LRP1B: variants seen among roughly 807,000 people sequenced by gnomAD.
LRP1B encodes low-density lipoprotein receptor-related protein 1B.
A neutral mutation model predicts 556.6 loss-of-function variants in LRP1B; 217 were observed. The ratio of observed to expected loss-of-function variants is 0.39; its 90% CI spans 0.35 to 0.44. The LOEUF (loss-of-function observed/expected upper bound fraction) is 0.44, where lower values mean the gene tolerates loss of function less well. Among genes scored for constraint, LRP1B ranks in the 20% least tolerant of loss-of-function variants. The probability of loss-of-function intolerance (pLI) is 1.00; values close to 1 mark genes in which losing one functional copy is unlikely to be tolerated. For synonymous variants in LRP1B, 2,047 were observed against 1,865.8 expected, an observed-to-expected ratio of 1.10 and a Z score of -2.50; for missense variants, 5,053 against 5,620.8, an observed-to-expected ratio of 0.90 and a Z score of 3.23.
In LRP1B at chr2:140,373,260, ACTT is replaced by A. The variant is rs948525653; in HGVS notation, c.10639-126_10639-124del. ...TGATCCTGGAACAACTTGTTTCACA[ACTT>A]CTCTGTCAAAAACAACATAGATGTA... On this transcript the variant is annotated intron_variant, in intron 68 of 90. Coordinates refer to ENST00000389484, the MANE Select transcript of LRP1B (RefSeq NM_018557.3). 3.8e-6 allele frequency: 3 copies of A among 794,986 alleles called. No individual in the cohort carries two copies. The African/African-American group carries it at 5.3e-5, about 14-fold the overall frequency. The allele number at this position is 794,986 out of a possible 1,614,324, so 49.2% of individuals were successfully genotyped here. A position where few individuals can be genotyped will look rare whatever the true frequency, so the allele number is the denominator to read the frequency against.
At position 140,514,450 on chromosome 2, in the gene LRP1B, A is replaced by T. The variant is rs186727351; in HGVS notation, c.8269+203T>A. Among the ~76,000 whole-genome samples the T allele has an allele frequency of 2.4e-3, 370 of 152,158 alleles. 2 individuals are homozygous for T. Among genetic ancestry groups the T allele is most frequent in the Middle Eastern group, 0.01 (3 of 294 alleles). On this transcript the variant is annotated intron_variant, in intron 51 of 90. Coordinates refer to ENST00000389484, the MANE Select transcript of LRP1B (RefSeq NM_018557.3). ...TTTGTTGTGGCAATATTAAGGAAAA[A>T]TACCAAATATTGAATAACAGCTTTA...
intron 20 of LRP1B, among the ~76,000 whole-genome samples, chr2:140,937,141 T>A (rs1488657609): frequency 2.6e-5 from 4 of 152,052 alleles, no homozygotes; most frequent in African/African-American, 9.7e-5. Context: ...AAACATTTCA[T>A]CACAAAATGC....
intron 2 of LRP1B, among the ~76,000 whole-genome samples, chr2:141,799,585 C>T (rs897433777): frequency 6.6e-6 from 1 of 152,236 alleles, no homozygotes; most frequent in African/African-American, 2.4e-5. Context: ...CACACCCTCT[C>T]GATAAGTCCC....
chr2:141,181,643 G>A (rs7601535), intron 7 of LRP1B, among the ~76,000 whole-genome samples: 40,484 of 151,808 alleles, frequency 0.27, 6,338 homozygotes, highest in East Asian at 0.66. Context: ...GTCAAAGAGC[G>A]CAATGAGAGT....
At chr2:141,751,127 G>A (rs1465815332) in intron 2 of LRP1B, among the ~76,000 whole-genome samples, 1 of 151,902 alleles carries the variant, frequency 6.6e-6, no homozygotes, top group Non-Finnish European at 1.5e-5. Flanking sequence ...CAAAAGAATA[G>A]AAGATATACT....
intron 3 of LRP1B, among the ~76,000 whole-genome samples, chr2:141,419,504 G>A (rs941407053): frequency 2.6e-5 from 4 of 152,020 alleles, no homozygotes; most frequent in African/African-American, 9.7e-5. Flanking sequence ...TTCAATCTTG[G>A]TAGGTAGTAG....
chr2:140,320,708 G>A (rs1680066139), intron 82 of LRP1B, among the ~76,000 whole-genome samples: 1 of 151,962 alleles, frequency 6.6e-6, no homozygotes, highest in African/African-American at 2.4e-5. Context: ...GATTACAGGT[G>A]TGAGCCACCA....
intron 1 of LRP1B, among the ~76,000 whole-genome samples, chr2:141,871,310 C>A (rs551986362): frequency 6.6e-6 from 1 of 151,888 alleles, no homozygotes; most frequent in Non-Finnish European, 1.5e-5. Flanking sequence ...TTTAAAAACT[C>A]TTCCTTTTTC....
intron 66 of LRP1B, among the ~76,000 whole-genome samples, chr2:140,440,743 A>ATGTGTGTGTG (rs375585057): frequency 2.0e-5 from 3 of 150,600 alleles, no homozygotes; most frequent in African/African-American, 7.3e-5. Flanking sequence ...CTCTGTATGT[A>ATGTGTGTGTG]TGTGTGTGTG....
intron 79 of LRP1B, among the ~76,000 whole-genome samples, chr2:140,328,099 G>A (rs1680592416): frequency 6.6e-6 from 1 of 151,858 alleles, no homozygotes; most frequent in Admixed American, 6.6e-5. Context: ...GTCTTCTTTT[G>A]CTCTGTAATA....
chr2:140,998,773 G>C (rs1006317039), intron 15 of LRP1B, among the ~76,000 whole-genome samples: 4 of 152,040 alleles, frequency 2.6e-5, no homozygotes, highest in African/African-American at 9.7e-5. Context: ...AGCCCAGCTT[G>C]AACATTTGCC....
intron 3 of LRP1B, chr2:141,286,870 C>T (rs1685742452): frequency 3.1e-6 from 1 of 320,470 alleles, no homozygotes; most frequent in Non-Finnish European, 6.7e-6. Context: ...TGGAAATATT[C>T]TACATCGGCA....
At chr2:140,798,811 G>A (rs1690407584) in intron 32 of LRP1B, among the ~76,000 whole-genome samples, 1 of 152,062 alleles carries the variant, frequency 6.6e-6, no homozygotes, top group Admixed American at 6.6e-5. Context: ...GAGCATCACT[G>A]GTGTATTGGG....
chr2:141,683,128 G>A (rs929285557), intron 2 of LRP1B, among the ~76,000 whole-genome samples: 6 of 152,162 alleles, frequency 3.9e-5, no homozygotes, highest in African/African-American at 1.4e-4. Flanking sequence ...CCAGCAACAG[G>A]AACCTAATAC....
At chr2:142,027,068 C>T (rs775023610) in intron 1 of LRP1B, among the ~76,000 whole-genome samples, 4 of 151,908 alleles carry the variant, frequency 2.6e-5, no homozygotes, top group Non-Finnish European at 4.4e-5. Flanking sequence ...TGAAAGGTCA[C>T]CCTTACTCAG....
intron 2 of LRP1B, among the ~76,000 whole-genome samples, chr2:141,522,558 T>C (rs1277123215): frequency 6.6e-6 from 1 of 152,128 alleles, no homozygotes; most frequent in East Asian, 1.9e-4. Flanking sequence ...GTCTCTTCAG[T>C]TAGAGAAACT....
intron 2 of LRP1B, among the ~76,000 whole-genome samples, chr2:141,661,038 G>A (rs1471155308): frequency 6.6e-6 from 1 of 152,160 alleles, no homozygotes; most frequent in Admixed American, 6.5e-5. Context: ...CAGGAAAATA[G>A]GATCTGGAGT....
intron 1 of LRP1B, among the ~76,000 whole-genome samples, chr2:142,068,157 A>G (rs990439001): frequency 5.3e-5 from 8 of 151,462 alleles, no homozygotes; most frequent in African/African-American, 1.9e-4. Context: ...GAATCTCCAA[A>G]ATTTGGTCCC....
At chr2:140,463,059 G>GGGTGAGAT (rs1210176185) in intron 60 of LRP1B, among the ~76,000 whole-genome samples, 1 of 152,138 alleles carries the variant, frequency 6.6e-6, no homozygotes, top group East Asian at 1.9e-4. Context: ...TGAAAAAACG[G>GGGTGAGAT]GGTGAGATTA....
Sources: gnomAD v4.1 joint callset for allele counts (sites outside exome capture counted in the v4.1 genomes callset) on GRCh38, gnomAD v4.1.1 for gene constraint, MANE v1.5 for transcripts, NCBI Gene and HGNC (gene_info 2026-07-23, HGNC 2026-07-21) for gene names.